TTC28: variants seen among roughly 807,000 people sequenced by gnomAD.
The protein encoded by TTC28 is tetratricopeptide repeat domain 28.
Under a neutral mutation model 198.0 loss-of-function variants are expected in TTC28, and 61 were observed. The ratio of observed to expected loss-of-function variants is 0.31; its 90% CI spans 0.25 to 0.38. The LOEUF (loss-of-function observed/expected upper bound fraction) is 0.38. TTC28 is among the 10% of genes least tolerant of loss of function. TTC28 has a pLI of 1.00. For missense variants in TTC28, 2,678 were observed against 3,164.0 expected (o/e 0.85, Z 3.69); for synonymous variants, 1,171 against 1,297.8 (o/e 0.90, Z 2.10).
At position 28,388,750 on chromosome 22, in the gene TTC28, A is replaced by G. The variant is rs549005612; in HGVS notation, c.382-82107T>C. Among the ~76,000 whole-genome samples the G allele has an allele frequency of 7.4e-3, 1,121 of 152,318 alleles. 10 individuals carry two copies. Among genetic ancestry groups the G allele is most frequent in the African/African-American group, 0.025 (1,028 of 41,570 alleles). On this transcript the variant is annotated intron_variant, in intron 2 of 22. Transcript: ENST00000397906. ...CTTAAGGAGATTTTGGGCTGAGACA[A>G]TGGGGTTTTCTAGATATACAATCAT...
intron 1 of TTC28, among the ~76,000 whole-genome samples, chr22:28,663,120 C>T (rs1377006476): frequency 6.6e-6 from 1 of 151,680 alleles, no homozygotes; most frequent in Non-Finnish European, 1.5e-5. Flanking sequence ...TGGTGGCGAA[C>T]GCCTGTAGTC....
chr22:28,518,104 T>C (rs956630227), intron 2 of TTC28, among the ~76,000 whole-genome samples: 1 of 152,074 alleles, frequency 6.6e-6, no homozygotes, highest in African/African-American at 2.4e-5. Flanking sequence ...CAATGGCATA[T>C]CTACTATAAA....
chr22:28,375,079 C>T (rs553059053), intron 2 of TTC28, among the ~76,000 whole-genome samples: 2 of 151,714 alleles, frequency 1.3e-5, no homozygotes, highest in East Asian at 3.9e-4. Context: ...CAGAACAAGA[C>T]TCAAGACTCT....
intron 5 of TTC28, among the ~76,000 whole-genome samples, chr22:28,239,268 G>A (rs1375500230): frequency 1.3e-5 from 2 of 152,050 alleles, no homozygotes; most frequent in East Asian, 3.9e-4. Flanking sequence ...AATCTTCTTT[G>A]TCCAATATGG....
At chr22:28,075,811 C>A (rs1206093823) in intron 12 of TTC28, among the ~76,000 whole-genome samples, 1 of 152,194 alleles carries the variant, frequency 6.6e-6, no homozygotes. Context: ...CATTGCCTCA[C>A]CCCTCAAGTA....
intron 6 of TTC28, among the ~76,000 whole-genome samples, chr22:28,161,834 G>C (rs1338535282): frequency 7.2e-6 from 1 of 138,496 alleles, no homozygotes; most frequent in Non-Finnish European, 1.6e-5. Context: ...GGGAGGGAGG[G>C]GAAGGAAGAA....
intron 17 of TTC28, chr22:27,994,450 G>GC (rs878858267): frequency 7.4e-6 from 1 of 136,010 alleles, no homozygotes; most frequent in African/African-American, 2.7e-5. Context: ...GTCACCTGAG[G>GC]TTTTTTTTTT....
intron 6 of TTC28, among the ~76,000 whole-genome samples, chr22:28,111,029 C>T (rs990609329): frequency 6.6e-6 from 1 of 151,590 alleles, no homozygotes; most frequent in African/African-American, 2.4e-5. Context: ...CATTTTAATG[C>T]ATACTTTAGT....
At chr22:28,594,455 C>A (rs1241374745) in intron 2 of TTC28, among the ~76,000 whole-genome samples, 1 of 151,108 alleles carries the variant, frequency 6.6e-6, no homozygotes, top group Non-Finnish European at 1.5e-5. Context: ...TTGAGAATCA[C>A]TGAAGCAGCA....
At chr22:27,996,499 A>G in intron 16 of TTC28, 2 of 520,434 alleles carry the variant, frequency 3.8e-6, no homozygotes, top group South Asian at 3.4e-5. Context: ...GGGGCCTGCT[A>G]TTTTGCAGAA....
chr22:28,451,724 A>G (rs1414887295), intron 2 of TTC28, among the ~76,000 whole-genome samples: 2 of 152,224 alleles, frequency 1.3e-5, no homozygotes, highest in Non-Finnish European at 2.9e-5. Flanking sequence ...AGTCTTCATC[A>G]TAACAATGCT....
rs189471286 is a variant in TTC28 at position 28,488,317 on chromosome 22, G to C, written c.381+141235C>G. Among the ~76,000 whole-genome samples, 9 of 152,256 alleles carry C rather than the reference G, an allele frequency of 5.9e-5. No homozygotes were observed. The East Asian group carries it at 1.7e-3, about 29-fold the overall frequency. On this transcript the variant is annotated intron_variant, in intron 2 of 22. Coordinates refer to ENST00000397906, the MANE Select transcript of TTC28 (RefSeq NM_001145418.2). ...ACCCTCCACTCAGCCCAAAAAGCTG[G>C]AATGGACTTTTAAGGGAATGTGCCT... is the stretch of plus-strand genomic sequence containing the variant.
chr22:28,329,678 G>A (rs1033265967), intron 2 of TTC28, among the ~76,000 whole-genome samples: 1 of 152,006 alleles, frequency 6.6e-6, no homozygotes, highest in Non-Finnish European at 1.5e-5. Context: ...TTCTTTCTCT[G>A]TTTTTGTTTT....
At chr22:28,083,542 T>G (rs990825936) in intron 12 of TTC28, among the ~76,000 whole-genome samples, 2 of 152,226 alleles carry the variant, frequency 1.3e-5, no homozygotes, top group African/African-American at 4.8e-5. Flanking sequence ...GGAGCCAAGA[T>G]GGCCGAATAG....
At chr22:28,045,336 T>C (rs1239849687) in intron 12 of TTC28, among the ~76,000 whole-genome samples, 3 of 152,196 alleles carry the variant, frequency 2.0e-5, no homozygotes, top group Admixed American at 2.0e-4. Context: ...ATGTTGACGC[T>C]GTGAAAGTTT....
At position 28,163,163 on chromosome 22, in the gene TTC28, T is replaced by A; in HGVS notation, c.1370A>T (p.His457Leu). The change falls in exon 6 of 23, where the codon CAT (histidine) becomes CTT (leucine). Residue 457 changes from histidine (H) to leucine (L), a missense_variant. Physicochemically the swap from His to Leu is moderately conservative, Grantham distance 99 (BLOSUM62 -3). Around this residue, in one of 8 missense-constraint regions of TTC28, gnomAD observed 775 missense variants for 845.9 expected, o/e 0.92. Coordinates refer to ENST00000397906, the MANE Select transcript of TTC28 (RefSeq NM_001145418.2). ...MQDLERAKQY[H>L]EQQLGIAEDL... ...CTCAGCAATGCCCAGCTGCTGCTCA[T>A]GGTATTGTTTAGCTCTCTCCAAATC... is the stretch of plus-strand genomic sequence containing the variant. The A allele has an allele frequency of 6.4e-7, 1 of 1,551,690 alleles. No individual in the cohort carries two copies. The highest frequency in any genetic ancestry group is 1.4e-5 in the African/African-American group (1 of 73,128).
At chr22:28,446,707 A>G (rs1276849605) in intron 2 of TTC28, among the ~76,000 whole-genome samples, 1 of 152,164 alleles carries the variant, frequency 6.6e-6, no homozygotes, top group African/African-American at 2.4e-5. Context: ...CAGAACCATA[A>G]GCCAATTAAA....
At chr22:28,288,685 T>C (rs1202431089) in intron 5 of TTC28, among the ~76,000 whole-genome samples, 1 of 145,094 alleles carries the variant, frequency 6.9e-6, no homozygotes, top group Non-Finnish European at 1.5e-5. Context: ...TTGTGGCGGG[T>C]GCCTGTAGTC....
At chr22:28,674,797 C>T (rs1309029080) in intron 1 of TTC28, among the ~76,000 whole-genome samples, 1 of 130,164 alleles carries the variant, frequency 7.7e-6, no homozygotes, top group Non-Finnish European at 1.6e-5. Flanking sequence ...CCAGCCTGGG[C>T]GATGGCGAGA....
Sources: allele counts gnomAD v4.1 joint callset (sites outside exome capture counted in the v4.1 genomes callset), GRCh38; gene constraint gnomAD v4.1.1; regional missense constraint gnomAD v4.1.1; transcripts MANE v1.5; gene names NCBI Gene and HGNC (gene_info 2026-07-23, HGNC 2026-07-21).